Variants in NR6A1 observed in about 807,000 individuals in gnomAD.
NR6A1 encodes retinoic acid receptor-related testis-associated receptor.
In NR6A1, 7 loss-of-function variants were observed where a neutral mutation model predicts 59.1. The ratio of observed to expected loss-of-function variants is 0.12; its 90% CI spans 0.07 to 0.22. NR6A1 has a LOEUF of 0.22. NR6A1 is among the 10% of genes least tolerant of loss of function. The probability of loss-of-function intolerance (pLI) is 1.00; values close to 1 mark genes in which losing one functional copy is unlikely to be tolerated. For missense variants in NR6A1, 468 were observed against 611.6 expected (o/e 0.77, Z 2.48); for synonymous variants, 243 against 236.1 (o/e 1.03, Z -0.27).
intron 2 of NR6A1, among the ~76,000 whole-genome samples, chr9:124,640,066 A>AG (rs1380097298): frequency 6.6e-6 from 1 of 152,224 alleles, no homozygotes; most frequent in Non-Finnish European, 1.5e-5. Flanking sequence ...TGGAAATTTG[A>AG]GAAAAAACAT....
intron 2 of NR6A1, among the ~76,000 whole-genome samples, chr9:124,598,035 A>G (rs1329742775): frequency 6.6e-6 from 1 of 152,134 alleles, no homozygotes; most frequent in Non-Finnish European, 1.5e-5. Context: ...AATTTTGGGT[A>G]GAGATGGGAG....
At chr9:124,644,298 G>A (rs1400518579) in intron 2 of NR6A1, among the ~76,000 whole-genome samples, 1 of 79,524 alleles carries the variant, frequency 1.3e-5, no homozygotes, top group East Asian at 3.9e-4. Context: ...TTTGAGACAT[G>A]GTTTCGCTCT....
chr9:124,737,466 T>C (rs1840047446), intron 1 of NR6A1, among the ~76,000 whole-genome samples: 1 of 152,216 alleles, frequency 6.6e-6, no homozygotes, highest in African/African-American at 2.4e-5. Flanking sequence ...AAAATGATTC[T>C]TAGCTAGAAG....
intron 2 of NR6A1, among the ~76,000 whole-genome samples, chr9:124,568,212 G>C (rs150875200): frequency 6.8e-6 from 1 of 147,972 alleles, no homozygotes; most frequent in Non-Finnish European, 1.5e-5. Context: ...GAGGCTGGGC[G>C]TGGTGGCTCA....
intron 2 of NR6A1, among the ~76,000 whole-genome samples, chr9:124,645,892 A>C (rs1276297953): frequency 6.6e-6 from 1 of 152,192 alleles, no homozygotes; most frequent in Admixed American, 6.5e-5. Context: ...ACATCTTAAC[A>C]AATTTAGAAT....
intron 2 of NR6A1, among the ~76,000 whole-genome samples, chr9:124,632,329 G>C (rs908737941): frequency 4.6e-5 from 7 of 152,130 alleles, no homozygotes; most frequent in African/African-American, 1.7e-4. Flanking sequence ...GCCAGCGTCT[G>C]TTATTTTTTG....
At chr9:124,596,320 G>A (rs890753993) in intron 2 of NR6A1, among the ~76,000 whole-genome samples, 2 of 151,746 alleles carry the variant, frequency 1.3e-5, no homozygotes, top group African/African-American at 4.8e-5. Flanking sequence ...GGGTATGGGG[G>A]GCGTGCAGAA....
chr9:124,538,592 C>A (rs878860939), intron 5 of NR6A1, among the ~76,000 whole-genome samples: 1 of 152,154 alleles, frequency 6.6e-6, no homozygotes, highest in African/African-American at 2.4e-5. Context: ...TGAATGAATT[C>A]TTTGTATAGG....
At chr9:124,697,394 T>C (rs934124807) in intron 2 of NR6A1, among the ~76,000 whole-genome samples, 4 of 151,650 alleles carry the variant, frequency 2.6e-5, no homozygotes, top group African/African-American at 9.7e-5. Context: ...CTGCAGAAGA[T>C]AAAAGTAAGG....
At chr9:124,596,658 T>TA (rs1835280472) in intron 2 of NR6A1, among the ~76,000 whole-genome samples, 1 of 152,178 alleles carries the variant, frequency 6.6e-6, no homozygotes, top group Non-Finnish European at 1.5e-5. Context: ...CATAAGATCT[T>TA]AAACAATCAT....
chr9:124,767,276 T>C (rs1840960459), intron 1 of NR6A1, among the ~76,000 whole-genome samples: 1 of 152,222 alleles, frequency 6.6e-6, no homozygotes, highest in African/African-American at 2.4e-5. Context: ...TACTAACACA[T>C]GTGCCTTGCA....
rs1213396231 is a variant in NR6A1 at position 124,584,386 on chromosome 9, G to A, written c.143-29816C>T. Among the ~76,000 whole-genome samples, 3 of 152,060 alleles carry A rather than the reference G, an allele frequency of 2.0e-5. No individual in the cohort carries two copies. The East Asian group carries it at 5.8e-4, about 29-fold the overall frequency. Reference sequence around the variant, plus strand: ...TCCCAAAGTGCTGGGATTACAGTGTGAGCCACCGCGCCCAGCCACTTTATT... The same window carrying A: ...TCCCAAAGTGCTGGGATTACAGTGTAAGCCACCGCGCCCAGCCACTTTATT... On this transcript the variant is annotated intron_variant, in intron 2 of 9. Coordinates refer to ENST00000487099, the MANE Select transcript of NR6A1 (RefSeq NM_033334.4).
chr9:124,553,709 C>T (rs1833850301), intron 3 of NR6A1, among the ~76,000 whole-genome samples: 1 of 151,816 alleles, frequency 6.6e-6, no homozygotes, highest in Non-Finnish European at 1.5e-5. Context: ...GCCATTATTT[C>T]CCCCGTTCCT....
intron 1 of NR6A1, among the ~76,000 whole-genome samples, chr9:124,765,826 G>A (rs765009067): frequency 6.6e-6 from 1 of 152,150 alleles, no homozygotes; most frequent in Admixed American, 6.5e-5. Context: ...AATGAAGAAC[G>A]AAATACCGTA....
chr9:124,693,564 T>A, intron 2 of NR6A1: 1 of 370,468 alleles, frequency 2.7e-6, no homozygotes, highest in Non-Finnish European at 5.6e-6. Flanking sequence ...ATGTCAATGT[T>A]ATGGACACCT....
intron 2 of NR6A1, among the ~76,000 whole-genome samples, chr9:124,586,873 A>G (rs575146429): frequency 6.6e-6 from 1 of 152,350 alleles, no homozygotes; most frequent in East Asian, 1.9e-4. Context: ...TTAGAATATT[A>G]CATTAACTTC....
chr9:124,579,089 C>T (rs902794787), intron 2 of NR6A1, among the ~76,000 whole-genome samples: 1 of 152,174 alleles, frequency 6.6e-6, no homozygotes, highest in African/African-American at 2.4e-5. Context: ...CAAGACCAGC[C>T]TGGGCAACAT....
At chr9:124,757,376 T>A (rs979055510) in intron 1 of NR6A1, among the ~76,000 whole-genome samples, 1 of 149,794 alleles carries the variant, frequency 6.7e-6, no homozygotes, top group Non-Finnish European at 1.5e-5. Context: ...GTTCAATGAG[T>A]GAAGTTTATA....
chr9:124,613,369 T>C (rs1449280228), intron 2 of NR6A1, among the ~76,000 whole-genome samples: 2 of 150,862 alleles, frequency 1.3e-5, no homozygotes, highest in African/African-American at 4.9e-5. Flanking sequence ...AATTAAGGCC[T>C]GGTGTGGTGG....
Sources: gnomAD v4.1 joint callset for allele counts (sites outside exome capture counted in the v4.1 genomes callset) on GRCh38, gnomAD v4.1.1 for gene constraint, MANE v1.5 for transcripts, NCBI Gene and HGNC (gene_info 2026-07-23, HGNC 2026-07-21) for gene names.